Variants in RNF24 observed in about 807,000 individuals in gnomAD.
The protein encoded by RNF24 is ring finger protein 24.
In RNF24, 14 loss-of-function variants were observed where a neutral mutation model predicts 20.0. The observed-to-expected ratio is 0.70, with a 90% CI of 0.46 to 1.10. RNF24 has a LOEUF of 1.10. Ranked by LOEUF, RNF24 falls within the 50% of genes least tolerant of loss-of-function variation. The probability of loss-of-function intolerance (pLI) is 0.00; values close to 1 mark genes in which losing one functional copy is unlikely to be tolerated. For missense variants in RNF24, 124 were observed against 177.6 expected, an observed-to-expected ratio of 0.70 and a Z score of 1.71; for synonymous variants, 45 against 61.1, an observed-to-expected ratio of 0.74 and a Z score of 1.23.
chr20:3,969,522 C>T (rs1177107693), intron 1 of RNF24, among the ~76,000 whole-genome samples: 1 of 146,526 alleles, frequency 6.8e-6, no homozygotes, highest in African/African-American at 2.5e-5. Context: ...AAAAAAAAAG[C>T]CCTAATGAAC....
intron 3 of RNF24, among the ~76,000 whole-genome samples, chr20:3,946,705 A>AAG (rs1482931039): frequency 6.6e-6 from 1 of 151,848 alleles, no homozygotes; most frequent in Non-Finnish European, 1.5e-5. Flanking sequence ...AAAAAAAAAA[A>AAG]AAAAAAAGAT....
intron 1 of RNF24, among the ~76,000 whole-genome samples, chr20:3,971,664 T>C (rs1978368529): frequency 6.6e-6 from 1 of 152,140 alleles, no homozygotes; most frequent in African/African-American, 2.4e-5. Context: ...AGACTGCATA[T>C]ATAATACAAT....
chr20:3,957,314 A>G (rs1382538954), intron 2 of RNF24, among the ~76,000 whole-genome samples: 1 of 151,750 alleles, frequency 6.6e-6, no homozygotes. Context: ...AAAAAAAGTT[A>G]GCCAGGCATG....
chr20:3,973,902 G>A (rs928510406), intron 1 of RNF24, among the ~76,000 whole-genome samples: 2 of 151,998 alleles, frequency 1.3e-5, no homozygotes, highest in South Asian at 2.1e-4. Context: ...AAGCCAATGC[G>A]ACCTTGATAG....
chr20:3,948,731 C>T (rs1478526303), intron 2 of RNF24, among the ~76,000 whole-genome samples: 1 of 152,086 alleles, frequency 6.6e-6, no homozygotes, highest in African/African-American at 2.4e-5. Context: ...TATCCATGCC[C>T]CAGAGGTAGC....
chr20:3,929,307 G>T lies in RNF24; in HGVS notation c.*4756C>A. The T allele has an allele frequency of 6.6e-6, 1 of 152,412 alleles. No homozygotes were observed. Among genetic ancestry groups the T allele is most frequent in the South Asian group, 2.1e-4 (1 of 4,824 alleles). 9.4% of individuals were successfully genotyped at this position (152,412 alleles called of 1,614,324 possible). On this transcript the variant is annotated 3_prime_UTR_variant, in exon 6 of 6. Transcript: ENST00000358395. ...TAGACGCAGCTACAGACTGAGGCGG[G>T]AGGATCACTTGAGTCCAGGAAGTTG...
chr20:3,981,667 A>G (rs1023741806), intron 1 of RNF24, among the ~76,000 whole-genome samples: 13 of 152,148 alleles, frequency 8.5e-5, no homozygotes, highest in Admixed American at 7.9e-4. Flanking sequence ...CATCATGCCC[A>G]GCTAATTTTT....
chr20:3,951,327 ATCAT>A (rs2091079112), intron 2 of RNF24, among the ~76,000 whole-genome samples: 1 of 151,992 alleles, frequency 6.6e-6, no homozygotes. Flanking sequence ...ATTAAGTATG[ATCAT>A]TCTTTCTTGG....
chr20:3,962,285 G>A (rs1489524575), intron 2 of RNF24, among the ~76,000 whole-genome samples: 6 of 152,092 alleles, frequency 3.9e-5, no homozygotes, highest in Non-Finnish European at 7.3e-5. Flanking sequence ...GAGCCTAGGA[G>A]GAAAGCTGTA....
At chr20:3,993,217 C>T (rs781144525) in intron 1 of RNF24, among the ~76,000 whole-genome samples, 11 of 152,092 alleles carry the variant, frequency 7.2e-5, no homozygotes, top group Non-Finnish European at 1.0e-4. Context: ...AGATGAAAAA[C>T]TGAGACTCAG....
chr20:3,966,902 G>A (rs961838889), intron 1 of RNF24, among the ~76,000 whole-genome samples: 3 of 152,320 alleles, frequency 2.0e-5, no homozygotes, highest in African/African-American at 7.2e-5. Context: ...TGGATGTTGA[G>A]ACTTTTGTGA....
chr20:3,959,824 T>C (rs565568854), intron 2 of RNF24, among the ~76,000 whole-genome samples: 4 of 152,234 alleles, frequency 2.6e-5, no homozygotes, highest in Non-Finnish European at 5.9e-5. Flanking sequence ...TAGGGAACCG[T>C]TCATTCATTC....
At chr20:4,013,303 A>C (rs1472168998) in intron 1 of RNF24, among the ~76,000 whole-genome samples, 3 of 152,228 alleles carry the variant, frequency 2.0e-5, no homozygotes, top group African/African-American at 2.4e-5. Flanking sequence ...GCTGTGGAAG[A>C]CTGCTTAGTT....
At chr20:3,980,001 A>G (rs1979247318) in intron 1 of RNF24, among the ~76,000 whole-genome samples, 1 of 152,212 alleles carries the variant, frequency 6.6e-6, no homozygotes, top group Non-Finnish European at 1.5e-5. Context: ...TGTATGAATT[A>G]AAACAAAACA....
chr20:3,953,653 G>A (rs2091108319), intron 2 of RNF24, among the ~76,000 whole-genome samples: 1 of 151,502 alleles, frequency 6.6e-6, no homozygotes. Context: ...TAGTAAAGAT[G>A]GGGTTTCACC....
chr20:3,984,116 G>T (rs917306691), intron 1 of RNF24, among the ~76,000 whole-genome samples: 4 of 151,752 alleles, frequency 2.6e-5, no homozygotes, highest in Admixed American at 2.6e-4. Context: ...TGTAGTCCTA[G>T]CTACTCAGGA....
At chr20:3,945,060 C>G in intron 4 of RNF24, 117 bp downstream of exon 4, 1 of 1,309,542 alleles carries the variant, frequency 7.6e-7, no homozygotes, top group Non-Finnish European at 1.1e-6. Context: ...ATTCTATTAC[C>G]CCAATCAAAA....
intron 2 of RNF24, 87 bp downstream of exon 2, chr20:3,963,788 C>A: frequency 2.5e-6 from 3 of 1,199,678 alleles, no homozygotes; most frequent in South Asian, 1.6e-5. Context: ...AATTATCATA[C>A]TTCATTTTAA....
At chr20:3,994,374 C>T (rs762360943) in intron 1 of RNF24, among the ~76,000 whole-genome samples, 1 of 152,202 alleles carries the variant, frequency 6.6e-6, no homozygotes, top group Non-Finnish European at 1.5e-5. Flanking sequence ...CGGAAAAGCA[C>T]AGGGTTAAAA....
Sources: gnomAD v4.1 joint callset for allele counts (sites outside exome capture counted in the v4.1 genomes callset) on GRCh38, gnomAD v4.1.1 for gene constraint, MANE v1.5 for transcripts, NCBI Gene and HGNC (gene_info 2026-07-23, HGNC 2026-07-21) for gene names.